The following BST1 variants were observed in gnomAD, a reference collection of about 807,000 sequenced individuals.
BST1 encodes bone marrow stromal cell antigen 1.
A neutral mutation model predicts 40.6 loss-of-function variants in BST1; 49 were observed. The observed-to-expected ratio is 1.21, with a 90% CI of 0.96 to 1.53. BST1 has a LOEUF of 1.53. Ranked by LOEUF, BST1 falls within the 40% of genes most tolerant of loss-of-function variation. The probability of loss-of-function intolerance (pLI) is 0.00; values close to 1 mark genes in which losing one functional copy is unlikely to be tolerated. For synonymous variants in BST1, 157 were observed against 159.3 expected, an observed-to-expected ratio of 0.99 and a Z score of 0.11; for missense variants, 423 against 395.9, an observed-to-expected ratio of 1.07 and a Z score of -0.58.
At chr4:15,770,683 G>C in the BST1 span, among the ~76,000 whole-genome samples, 4 of 152,342 alleles carry the variant, frequency 2.6e-5, no homozygotes, top group South Asian at 4.1e-4. Flanking sequence ...CTGGGCAACA[G>C]AGTGAGACTC....
intron 3 of BST1, among the ~76,000 whole-genome samples, chr4:15,710,755 C>G (rs181859857): frequency 4.6e-5 from 7 of 152,152 alleles, no homozygotes; most frequent in Non-Finnish European, 8.8e-5. Flanking sequence ...TTGCAAATGG[C>G]TCAATAGTAT....
In BST1 at chr4:15,732,400, C is replaced by T. The variant is rs1484736767; in HGVS notation, c.*555C>T. 1.3e-5 allele frequency: 2 copies of T among 152,546 alleles called. No individual in the cohort carries two copies. Among genetic ancestry groups the T allele is most frequent in the East Asian group, 3.9e-4 (2 of 5,192 alleles). The allele number at this position is 152,546 out of a possible 1,614,324, so 9.4% of individuals were successfully genotyped here. Reference sequence around the variant, plus strand: ...TGGGGAGATCTCAGCTCACTGCAACCTCTGCTTCCAGGATTCAAGCGATTC... The same window carrying T: ...TGGGGAGATCTCAGCTCACTGCAACTTCTGCTTCCAGGATTCAAGCGATTC... On this transcript the variant is annotated 3_prime_UTR_variant, in exon 9 of 9. Coordinates refer to ENST00000265016, the MANE Select transcript of BST1 (RefSeq NM_004334.3).
chr4:15,721,294 C>T (rs1720795778), intron 7 of BST1, among the ~76,000 whole-genome samples: 2 of 152,204 alleles, frequency 1.3e-5, no homozygotes, highest in Admixed American at 1.3e-4. Context: ...GAGGTTCTTG[C>T]CCATTTTGGA....
chr4:15,749,078 A>T, the BST1 span, among the ~76,000 whole-genome samples: 1 of 152,256 alleles, frequency 6.6e-6, no homozygotes, highest in African/African-American at 2.4e-5. Context: ...AATTTCTCAG[A>T]GTTAATTAAT....
downstream of BST1, among the ~76,000 whole-genome samples, chr4:15,741,584 C>A (rs549092699): frequency 1.3e-5 from 2 of 152,200 alleles, no homozygotes; most frequent in Admixed American, 6.5e-5. Flanking sequence ...AGCAGGGGCC[C>A]ATTCTGGCTT....
intron 2 of BST1, among the ~76,000 whole-genome samples, chr4:15,706,002 G>A (rs932176894): frequency 2.6e-5 from 4 of 152,106 alleles, no homozygotes; most frequent in Admixed American, 6.5e-5. Context: ...TACATGGCAC[G>A]AGCAGGACCA....
intron 8 of BST1, chr4:15,731,487 T>C (rs1721369259): frequency 1.0e-6 from 1 of 974,664 alleles, no homozygotes; most frequent in Admixed American, 1.8e-5. Context: ...CGAGAAGCGC[T>C]TGTCCTTCTG....
At chr4:15,735,964 T>A, downstream of BST1, 1 of 737,832 alleles carries the variant, frequency 1.4e-6, no homozygotes, top group Admixed American at 3.1e-5. Context: ...ACAGAAAAAT[T>A]AGGAAGAAGG....
At chr4:15,744,872 A>G in the BST1 span, among the ~76,000 whole-genome samples, 1 of 152,356 alleles carries the variant, frequency 6.6e-6, no homozygotes, top group South Asian at 2.1e-4. Flanking sequence ...AGACTTATAC[A>G]GAACTGATAT....
chr4:15,710,955 A>G (rs988179170), intron 3 of BST1, among the ~76,000 whole-genome samples: 7 of 151,950 alleles, frequency 4.6e-5, no homozygotes, highest in African/African-American at 1.7e-4. Context: ...ATACCCGGCT[A>G]ATTTTTGTAT....
the BST1 span, among the ~76,000 whole-genome samples, chr4:15,765,873 T>A: frequency 6.6e-6 from 1 of 152,026 alleles, no homozygotes; most frequent in Non-Finnish European, 1.5e-5. Flanking sequence ...GTGCTATGGT[T>A]TACTTATCTT....
chr4:15,722,096 A>T (rs1720839123), intron 7 of BST1, among the ~76,000 whole-genome samples: 1 of 152,094 alleles, frequency 6.6e-6, no homozygotes, highest in African/African-American at 2.4e-5. Context: ...TTCCTCTCTG[A>T]TGCCTGAGCA....
In BST1 at chr4:15,722,860, A is replaced by G. The variant is rs747669013; in HGVS notation, c.792-15A>G. The G allele has an allele frequency of 1.2e-6, 2 of 1,609,726 alleles. No individual in the cohort carries two copies. Among genetic ancestry groups the G allele is most frequent in the East Asian group, 4.5e-5 (2 of 44,792 alleles). On this transcript the variant is annotated splice_polypyrimidine_tract_variant and intron_variant, in intron 7 of 8. Coordinates refer to ENST00000265016, the MANE Select transcript of BST1 (RefSeq NM_004334.3). ...TTATTTAAATAATCCCTTAAATATT[A>G]TTTTCTTTCTGTAGACCAGTGAAGC...
intron 8 of BST1, among the ~76,000 whole-genome samples, chr4:15,725,689 C>G (rs1721057190): frequency 6.6e-6 from 1 of 152,158 alleles, no homozygotes; most frequent in Non-Finnish European, 1.5e-5. Context: ...ATATCATATG[C>G]TTTCCTGCTC....
At chr4:15,736,221 T>TCTGGCAGCATTGTG, downstream of BST1, 1 of 973,782 alleles carries the variant, frequency 1.0e-6, no homozygotes, top group Non-Finnish European at 1.4e-6. Flanking sequence ...TCCACAATGC[T>TCTGGCAGCATTGTG]GCCAGAGCAA....
chr4:15,717,728 G>A (rs1352228549), intron 6 of BST1, among the ~76,000 whole-genome samples: 2 of 152,342 alleles, frequency 1.3e-5, no homozygotes, highest in Middle Eastern at 3.4e-3. Context: ...CAAGACAGTT[G>A]TAGGTAAAGA....
At chr4:15,745,320 G>A in the BST1 span, among the ~76,000 whole-genome samples, 4 of 152,068 alleles carry the variant, frequency 2.6e-5, no homozygotes, top group African/African-American at 7.2e-5. Flanking sequence ...GGTTTATGTT[G>A]TAATTCATGA....
At chr4:15,742,561 T>A (rs1399670620), downstream of BST1, among the ~76,000 whole-genome samples, 1 of 152,230 alleles carries the variant, frequency 6.6e-6, no homozygotes, top group Non-Finnish European at 1.5e-5. Flanking sequence ...GCTCAGGTAT[T>A]CTGTTACAGC....
chr4:15,771,315 A>G, the BST1 span, among the ~76,000 whole-genome samples: 1 of 152,232 alleles, frequency 6.6e-6, no homozygotes, highest in African/African-American at 2.4e-5. Context: ...GCCCCAAATC[A>G]TACTACAGCA....
Sources: gnomAD v4.1 joint callset for allele counts (sites outside exome capture counted in the v4.1 genomes callset) on GRCh38, gnomAD v4.1.1 for gene constraint, MANE v1.5 for transcripts, NCBI Gene and HGNC (gene_info 2026-07-23, HGNC 2026-07-21) for gene names.